ADAMTS19: variants seen among roughly 807,000 people sequenced by gnomAD.
ADAMTS19 encodes ADAM metallopeptidase with thrombospondin type 1 motif 19.
A neutral mutation model predicts 153.3 loss-of-function variants in ADAMTS19; 93 were observed. The ratio of observed to expected loss-of-function variants is 0.61; its 90% CI spans 0.51 to 0.72. The LOEUF is 0.72. Among genes scored for constraint, ADAMTS19 ranks in the 30% least tolerant of loss-of-function variants. The probability of loss-of-function intolerance (pLI) is 0.00; values close to 1 mark genes in which losing one functional copy is unlikely to be tolerated. For missense variants in ADAMTS19, 1,482 were observed against 1,552.1 expected (o/e 0.95, Z 0.76); for synonymous variants, 600 against 556.6 (o/e 1.08, Z -1.10).
chr5:129,707,923 A>G lies in ADAMTS19; in HGVS notation c.3312+3532A>G, dbSNP rs1289371497. On this transcript the variant is annotated intron_variant, in intron 21 of 22. Coordinates refer to ENST00000274487, the MANE Select transcript of ADAMTS19 (RefSeq NM_133638.6). ...GTCCCTGGGAGAATCAAAAGAAAAT[A>G]CATCCTTAGATTCTCCCACTGCCTA... Among the ~76,000 whole-genome samples, 30 of 152,194 alleles carry G rather than the reference A, an allele frequency of 2.0e-4. 1 individual carries two copies. The highest frequency in any genetic ancestry group is 4.4e-5 in the Non-Finnish European group (3 of 68,020).
chr5:129,608,632 C>T (rs1751044968), intron 8 of ADAMTS19, among the ~76,000 whole-genome samples: 2 of 151,872 alleles, frequency 1.3e-5, no homozygotes, highest in South Asian at 4.1e-4. Flanking sequence ...TAAATAGAGA[C>T]CAGTTATAAT....
chr5:129,554,752 A>C (rs1753254338), intron 7 of ADAMTS19, among the ~76,000 whole-genome samples: 1 of 152,122 alleles, frequency 6.6e-6, no homozygotes. Flanking sequence ...AGCCTAAGGC[A>C]TAAAAATATT....
At chr5:129,494,981 C>A (rs1215028167) in intron 2 of ADAMTS19, among the ~76,000 whole-genome samples, 2 of 151,984 alleles carry the variant, frequency 1.3e-5, no homozygotes, top group Admixed American at 6.6e-5. Flanking sequence ...GTAGTAATTA[C>A]TTTTGAGCCA....
chr5:129,661,250 T>C (rs942402716), intron 15 of ADAMTS19, among the ~76,000 whole-genome samples: 1 of 152,202 alleles, frequency 6.6e-6, no homozygotes, highest in Non-Finnish European at 1.5e-5. Flanking sequence ...AAAAAAATCA[T>C]GCTATTTTTG....
At chr5:129,538,249 G>C (rs1161340413) in intron 6 of ADAMTS19, among the ~76,000 whole-genome samples, 1 of 151,948 alleles carries the variant, frequency 6.6e-6, no homozygotes, top group Non-Finnish European at 1.5e-5. Flanking sequence ...CCACTACACA[G>C]GAAAAAGTAT....
At chr5:129,682,263 T>C (rs1754854662) in intron 17 of ADAMTS19, among the ~76,000 whole-genome samples, 1 of 152,236 alleles carries the variant, frequency 6.6e-6, no homozygotes, top group East Asian at 1.9e-4. Context: ...TAAGATATTT[T>C]TTCTTTAATG....
At chr5:129,531,644 CAAAA>C (rs946669257) in intron 6 of ADAMTS19, among the ~76,000 whole-genome samples, 4 of 151,738 alleles carry the variant, frequency 2.6e-5, no homozygotes, top group Non-Finnish European at 4.4e-5. Flanking sequence ...AACAAACAAA[CAAAA>C]AAACCCCAAA....
chr5:129,684,465 G>A (rs1481537421), intron 18 of ADAMTS19, among the ~76,000 whole-genome samples, 192 bp downstream of exon 18: 2 of 148,978 alleles, frequency 1.3e-5, no homozygotes, highest in Non-Finnish European at 3.0e-5. Flanking sequence ...CAGCTATTTA[G>A]GATTGTTAAC....
intron 4 of ADAMTS19, among the ~76,000 whole-genome samples, chr5:129,527,528 G>T (rs1193370367): frequency 6.8e-6 from 1 of 147,718 alleles, no homozygotes; most frequent in Non-Finnish European, 1.5e-5. Flanking sequence ...TGGTGTGTCA[G>T]TTATATATTT....
intron 14 of ADAMTS19, among the ~76,000 whole-genome samples, chr5:129,656,979 G>C (rs559000206): frequency 6.6e-6 from 1 of 152,264 alleles, no homozygotes; most frequent in South Asian, 2.1e-4. Context: ...TTCCCCATTG[G>C]AACATGGAAA....
At position 129,647,904 on chromosome 5, in the gene ADAMTS19, A is replaced by G. The variant is rs763593967; in HGVS notation, c.2003+9A>G. On this transcript the variant is annotated intron_variant, in intron 12 of 22. Transcript: ENST00000274487. ...GAGCGCAAATGTCCTGGGTAAACTCAAAGTTCCTGGTTGGGGGAGGGCACT... is the reference window on the plus strand; with the variant it reads ...GAGCGCAAATGTCCTGGGTAAACTCGAAGTTCCTGGTTGGGGGAGGGCACT... 3.1e-6 allele frequency: 5 copies of G among 1,608,058 alleles called. No individual in the cohort carries two copies. The highest frequency in any genetic ancestry group is 2.6e-6 in the Non-Finnish European group (3 of 1,175,796).
chr5:129,580,972 C>T (rs988986662), intron 7 of ADAMTS19, among the ~76,000 whole-genome samples: 1 of 152,110 alleles, frequency 6.6e-6, no homozygotes, highest in Non-Finnish European at 1.5e-5. Context: ...AGGAGTCCCT[C>T]CTTTTTCTAT....
chr5:129,665,623 A>G, intron 16 of ADAMTS19, 44 bp downstream of exon 16: 1 of 1,464,424 alleles, frequency 6.8e-7, no homozygotes, highest in Non-Finnish European at 9.5e-7. Context: ...GTACGAGCCC[A>G]ACTCCCTGCC....
chr5:129,601,113 C>T (rs375341048), intron 8 of ADAMTS19, among the ~76,000 whole-genome samples: 23 of 152,222 alleles, frequency 1.5e-4, no homozygotes, highest in Middle Eastern at 3.4e-3. Context: ...CCTCGTGATC[C>T]GCCCGCCTCG....
intron 6 of ADAMTS19, among the ~76,000 whole-genome samples, chr5:129,546,239 G>C (rs1561563285): frequency 6.7e-6 from 1 of 149,844 alleles, no homozygotes; most frequent in Non-Finnish European, 1.5e-5. Flanking sequence ...ACTGTGGTGG[G>C]GTGGGGGCAG....
intron 6 of ADAMTS19, among the ~76,000 whole-genome samples, chr5:129,550,470 G>T (rs1753046407): frequency 1.4e-5 from 2 of 142,356 alleles, no homozygotes; most frequent in African/African-American, 5.2e-5. Context: ...ACATGTATCT[G>T]TATATGTATG....
chr5:129,533,501 T>G (rs1485078437), intron 6 of ADAMTS19, among the ~76,000 whole-genome samples: 1 of 152,200 alleles, frequency 6.6e-6, no homozygotes, highest in Non-Finnish European at 1.5e-5. Flanking sequence ...TTCATTAGTC[T>G]TGCGAGTGGT....
intron 10 of ADAMTS19, among the ~76,000 whole-genome samples, chr5:129,629,486 G>T (rs886411417): frequency 6.6e-6 from 1 of 152,000 alleles, no homozygotes; most frequent in Non-Finnish European, 1.5e-5. Context: ...TTGGGCCATA[G>T]CATCTAAATT....
chr5:129,507,301 T>C (rs1751296311), intron 2 of ADAMTS19, among the ~76,000 whole-genome samples: 1 of 152,090 alleles, frequency 6.6e-6, no homozygotes, highest in Non-Finnish European at 1.5e-5. Context: ...TCTTTATTTT[T>C]AGCCTAGATC....
Sources: gnomAD v4.1 joint callset for allele counts (sites outside exome capture counted in the v4.1 genomes callset) on GRCh38, gnomAD v4.1.1 for gene constraint, MANE v1.5 for transcripts, NCBI Gene and HGNC (gene_info 2026-07-23, HGNC 2026-07-21) for gene names.